ZNF827: variants seen among roughly 807,000 people sequenced by gnomAD.
ZNF827 encodes the protein zinc finger protein 827.
A neutral mutation model predicts 102.4 loss-of-function variants in ZNF827; 13 were observed. The observed-to-expected ratio is 0.13, with a 90% CI of 0.08 to 0.20. The LOEUF (loss-of-function observed/expected upper bound fraction) is 0.20. Ranked by LOEUF, ZNF827 falls within the 10% of genes least tolerant of loss-of-function variation. ZNF827 has a pLI of 1.00. For synonymous variants in ZNF827, 523 were observed against 536.2 expected, an observed-to-expected ratio of 0.98 and a Z score of 0.34; for missense variants, 1,103 against 1,344.4, an observed-to-expected ratio of 0.82 and a Z score of 2.81.
intron 5 of ZNF827, among the ~76,000 whole-genome samples, chr4:145,853,792 C>A (rs1181211991): frequency 6.6e-6 from 1 of 151,722 alleles, no homozygotes; most frequent in Non-Finnish European, 1.5e-5. Context: ...ATGGCAAAAC[C>A]CTATATCATA....
At chr4:145,905,493 A>T (rs923747568) in intron 1 of ZNF827, among the ~76,000 whole-genome samples, 1 of 152,136 alleles carries the variant, frequency 6.6e-6, no homozygotes, top group South Asian at 2.1e-4. Flanking sequence ...ATTAAATTGA[A>T]TTTTCTCTGT....
At chr4:145,907,409 T>A (rs914695318) in intron 1 of ZNF827, among the ~76,000 whole-genome samples, 17 of 152,186 alleles carry the variant, frequency 1.1e-4, no homozygotes, top group Non-Finnish European at 1.3e-4. Context: ...AAACAAAGCA[T>A]TTTTTTAAAT....
intron 7 of ZNF827, among the ~76,000 whole-genome samples, chr4:145,841,517 T>A (rs1745414688): frequency 6.6e-6 from 1 of 152,168 alleles, no homozygotes; most frequent in Non-Finnish European, 1.5e-5. Flanking sequence ...TTCTCATGGG[T>A]CTGGCCGGGA....
chr4:145,897,496 C>A (rs915159575), intron 2 of ZNF827, among the ~76,000 whole-genome samples: 1 of 152,206 alleles, frequency 6.6e-6, no homozygotes, highest in African/African-American at 2.4e-5. Flanking sequence ...TCTGGACCTA[C>A]TAACATTACC....
chr4:145,843,998 G>T (rs1745674318), intron 7 of ZNF827, among the ~76,000 whole-genome samples: 1 of 152,106 alleles, frequency 6.6e-6, no homozygotes, highest in East Asian at 1.9e-4. Flanking sequence ...ATCTCTAGGG[G>T]ACTTAACCTA....
At position 145,774,698 on chromosome 4, in the gene ZNF827, G is replaced by C. The variant is rs763068497; in HGVS notation, c.2694-26C>G. ...CTACATGAAAGGGTAAAAGAAAAGA[G>C]GGGGAGAGAAAAGGGTGACACATAC... On this transcript the variant is annotated intron_variant, in intron 10 of 14. Coordinates refer to ENST00000508784, the MANE Select transcript of ZNF827 (RefSeq NM_001306215.2). 7.5e-6 allele frequency: 12 copies of C among 1,606,222 alleles called. No homozygotes were observed. The East Asian group carries it at 1.6e-4, about 21-fold the overall frequency.
In ZNF827 at chr4:145,759,203, C is replaced by T. The variant is rs983544152; in HGVS notation, c.*2413G>A. 3.3e-5 allele frequency: 5 copies of T among 152,182 alleles called. No homozygotes were observed. Among genetic ancestry groups the T allele is most frequent in the African/African-American group, 1.2e-4 (5 of 41,442 alleles). The allele number at this position is 152,182 out of a possible 1,614,324, so 9.4% of individuals were successfully genotyped here. A position where few individuals can be genotyped will look rare whatever the true frequency, so the allele number is the denominator to read the frequency against. ...ATTATACAAAGAACATTTCTTCCTG[C>T]TCTTTCAGCCTGTTTCATACTGGAA... On this transcript the variant is annotated 3_prime_UTR_variant, in exon 15 of 15. Coordinates refer to ENST00000508784, the MANE Select transcript of ZNF827 (RefSeq NM_001306215.2).
chr4:145,761,711 G>T lies in ZNF827; in HGVS notation c.*18-113C>A. 1.6e-6 allele frequency: 1 copy of T among 633,382 alleles called. No individual in the cohort carries two copies. The highest frequency in any genetic ancestry group is 6.9e-5 in the East Asian group (1 of 14,588). 39.2% of individuals were successfully genotyped at this position (633,382 alleles called of 1,614,324 possible). A position where few individuals can be genotyped will look rare whatever the true frequency, so the allele number is the denominator to read the frequency against. ...ACCACCCCCCAGTGTCTGAGGCCTGGCCTGCCCAGCCCAGCCCAGCCCTGC... is the reference window on the plus strand; with the variant it reads ...ACCACCCCCCAGTGTCTGAGGCCTGTCCTGCCCAGCCCAGCCCAGCCCTGC... On this transcript the variant is annotated intron_variant, in intron 14 of 14. Transcript: ENST00000508784. This position sits in a 1 kb window ranked among gnomAD's most constrained non-coding sequence, Gnocchi z 6.8.
Position 145,760,720 on chromosome 4 carries a change from GTTTT to G in ZNF827, c.*892_*895del, listed in dbSNP as rs10715391. On this transcript the variant is annotated 3_prime_UTR_variant, in exon 15 of 15. Transcript: ENST00000508784. The stretch of plus-strand genomic sequence containing the variant: ...GCTGGGGTTGTGTTTAAGTTTTGTG[GTTTT>G]TTTTTTTTTTTTTGTCTTTTGTCTC... The G allele has an allele frequency of 8.0e-4, 565 of 704,300 alleles. No homozygotes were observed. Among genetic ancestry groups the G allele is most frequent in the South Asian group, 8.8e-4 (19 of 21,584 alleles). 43.6% of individuals were successfully genotyped at this position (704,300 alleles called of 1,614,324 possible). A position where few individuals can be genotyped will look rare whatever the true frequency, so the allele number is the denominator to read the frequency against.
intron 4 of ZNF827, among the ~76,000 whole-genome samples, chr4:145,871,048 T>C (rs1417110504): frequency 6.6e-6 from 1 of 152,122 alleles, no homozygotes; most frequent in Non-Finnish European, 1.5e-5. Context: ...ACTGTTCTTC[T>C]GATTATGGTG....
At chr4:145,764,272 G>T (rs758369784) in intron 13 of ZNF827, among the ~76,000 whole-genome samples, 24 of 152,206 alleles carry the variant, frequency 1.6e-4, no homozygotes, top group Non-Finnish European at 3.4e-4. Context: ...TCACTGTGCA[G>T]ATGAGGTAGT....
intron 4 of ZNF827, among the ~76,000 whole-genome samples, chr4:145,877,646 T>C (rs1451195566): frequency 6.6e-6 from 1 of 152,134 alleles, no homozygotes; most frequent in Non-Finnish European, 1.5e-5. Context: ...ATTCCTATGA[T>C]AGCTATGGCC....
chr4:145,898,783 A>G (rs966849811), intron 2 of ZNF827, among the ~76,000 whole-genome samples: 1 of 152,180 alleles, frequency 6.6e-6, no homozygotes, highest in East Asian at 1.9e-4. Context: ...TTCAAAAAAG[A>G]AGAATAAGGC....
At position 145,802,746 on chromosome 4, in the gene ZNF827, C is replaced by T. The variant is rs141031200; in HGVS notation, c.2383+20676G>A. Among the ~76,000 whole-genome samples, 43 of 152,200 alleles carry T rather than the reference C, an allele frequency of 2.8e-4. No homozygotes were observed. The East Asian group carries it at 8.3e-3, about 29-fold the overall frequency. ...ATGAAGGCGGGAGAATAGCTTGAGC[C>T]CAGGAGTTCATGGAGAAACTGCATC... is the stretch of plus-strand genomic sequence containing the variant. On this transcript the variant is annotated intron_variant, in intron 8 of 14. Transcript: ENST00000508784.
chr4:145,793,065 G>A (rs544026079), intron 8 of ZNF827, among the ~76,000 whole-genome samples: 48 of 151,484 alleles, frequency 3.2e-4, no homozygotes, highest in South Asian at 6.2e-4. Flanking sequence ...AAATATAATA[G>A]ACAATAAATA....
intron 1 of ZNF827, among the ~76,000 whole-genome samples, chr4:145,910,244 A>G (rs2126921422): frequency 6.6e-6 from 1 of 152,272 alleles, no homozygotes. Flanking sequence ...GGTAACACAA[A>G]TGAACGCATC....
At chr4:145,918,587 T>C (rs1389507588) in intron 1 of ZNF827, among the ~76,000 whole-genome samples, 2 of 152,086 alleles carry the variant, frequency 1.3e-5, no homozygotes, top group African/African-American at 4.8e-5. Flanking sequence ...GTGTAAGTCA[T>C]TGAGCACCTT....
Position 145,824,872 on chromosome 4 carries a change from G to A in ZNF827, c.2280-1347C>T, listed in dbSNP as rs150687180. ...AAAAGAGAATGTTAAGATGAAAATG[G>A]AAGACACTTTCTTTAAAGTAAAACA... On this transcript the variant is annotated intron_variant, in intron 7 of 14. Coordinates refer to ENST00000508784, the MANE Select transcript of ZNF827 (RefSeq NM_001306215.2). Among the ~76,000 whole-genome samples the A allele has an allele frequency of 1.2e-3, 184 of 152,330 alleles. 7 individuals are homozygous for A. The East Asian group carries it at 0.024, about 20-fold the overall frequency.
chr4:145,902,095 A>G lies in ZNF827; in HGVS notation c.1093+71T>C. 2.0e-6 allele frequency: 3 copies of G among 1,501,216 alleles called. No homozygotes were observed. Among genetic ancestry groups the G allele is most frequent in the Non-Finnish European group, 2.7e-6 (3 of 1,125,560 alleles). 93.0% of individuals were successfully genotyped at this position (1,501,216 alleles called of 1,614,324 possible). ...TCAGATGGGGAACCCAACTGAAAAA[A>G]GCAATGAATAAGACATCGCAGTTTA... On this transcript the variant is annotated intron_variant, in intron 2 of 14. Coordinates refer to ENST00000508784, the MANE Select transcript of ZNF827 (RefSeq NM_001306215.2). The surrounding 1 kb of genome is among the most constrained non-coding windows in gnomAD (Gnocchi z 4.3).
Sources: allele counts gnomAD v4.1 joint callset (sites outside exome capture counted in the v4.1 genomes callset), GRCh38; gene constraint gnomAD v4.1.1; non-coding constraint Gnocchi (gnomAD v3.1); transcripts MANE v1.5; gene names NCBI Gene and HGNC (gene_info 2026-07-23, HGNC 2026-07-21).